The following ZNF827 variants were observed in gnomAD, a reference collection of about 807,000 sequenced individuals.
ZNF827 encodes zinc finger protein 827.
ZNF827 carries 13 observed loss-of-function variants against 102.4 expected under a neutral mutation model. The ratio of observed to expected loss-of-function variants is 0.13; its 90% CI spans 0.08 to 0.20. The LOEUF (loss-of-function observed/expected upper bound fraction) is 0.20. Among genes scored for constraint, ZNF827 ranks in the 10% least tolerant of loss-of-function variants. ZNF827 has a pLI of 1.00. For synonymous variants in ZNF827, 523 were observed against 536.2 expected, an observed-to-expected ratio of 0.98 and a Z score of 0.34; for missense variants, 1,103 against 1,344.4, an observed-to-expected ratio of 0.82 and a Z score of 2.81.
At chr4:145,859,800 C>T (rs1747528776) in intron 5 of ZNF827, among the ~76,000 whole-genome samples, 1 of 152,158 alleles carries the variant, frequency 6.6e-6, no homozygotes, top group Admixed American at 6.5e-5. Context: ...TCACTGAACA[C>T]TCACAGTTAC....
chr4:145,797,564 A>G (rs774681929), intron 8 of ZNF827, among the ~76,000 whole-genome samples: 96 of 152,182 alleles, frequency 6.3e-4, no homozygotes, highest in Non-Finnish European at 1.2e-3. Flanking sequence ...TTGTTCACCA[A>G]GAGAGGCTAT....
intron 7 of ZNF827, chr4:145,832,020 T>A (rs1744261281): frequency 6.6e-6 from 1 of 152,244 alleles, no homozygotes; most frequent in African/African-American, 2.4e-5. Flanking sequence ...CCCAGCACTT[T>A]GGGAGACCAA....
intron 4 of ZNF827, 85 bp from the exon 5 acceptor site, chr4:145,870,563 G>T: frequency 8.3e-7 from 1 of 1,205,442 alleles, no homozygotes; most frequent in Non-Finnish European, 1.2e-6. Context: ...AGTATGGAAT[G>T]CACAATCACA....
chr4:145,787,436 C>T (rs566181886), intron 8 of ZNF827, among the ~76,000 whole-genome samples: 7 of 144,084 alleles, frequency 4.9e-5, no homozygotes, highest in Non-Finnish European at 9.0e-5. Context: ...CACTCCAGCC[C>T]GGGTGACAGA....
intron 6 of ZNF827, among the ~76,000 whole-genome samples, chr4:145,848,482 CAG>C (rs1449902053): frequency 1.3e-5 from 2 of 152,148 alleles, no homozygotes; most frequent in East Asian, 1.9e-4. Flanking sequence ...CATAACAAAA[CAG>C]AGTTTGTTGA....
At chr4:145,891,969 G>T (rs937065012) in intron 3 of ZNF827, among the ~76,000 whole-genome samples, 1 of 152,240 alleles carries the variant, frequency 6.6e-6, no homozygotes, top group African/African-American at 2.4e-5. Context: ...CACAGGCCAG[G>T]CAGGCTGTTG....
intron 13 of ZNF827, among the ~76,000 whole-genome samples, chr4:145,764,115 TA>T (rs1253828728): frequency 6.6e-6 from 1 of 152,240 alleles, no homozygotes; most frequent in African/African-American, 2.4e-5. Flanking sequence ...CCCCTTGTGT[TA>T]AGTAAAATGT....
intron 3 of ZNF827, among the ~76,000 whole-genome samples, chr4:145,888,426 G>T (rs36007872): frequency 0.16 from 23,828 of 152,212 alleles, 2,655 homozygotes; most frequent in East Asian, 0.42. Context: ...ATGTTTAGGG[G>T]CTCACCTATC....
intron 13 of ZNF827, 96 bp downstream of exon 13, chr4:145,764,892 T>A: frequency 6.4e-7 from 1 of 1,570,118 alleles, no homozygotes; most frequent in South Asian, 1.1e-5. Flanking sequence ...CCCTTCTCCA[T>A]GACTCCCAAA....
At chr4:145,798,421 T>C (rs993749694) in intron 8 of ZNF827, among the ~76,000 whole-genome samples, 1 of 152,234 alleles carries the variant, frequency 6.6e-6, no homozygotes, top group Non-Finnish European at 1.5e-5. Flanking sequence ...ATCCCAGCAC[T>C]TTGGAAGGCT....
At chr4:145,920,997 A>C (rs1357811531) in intron 1 of ZNF827, among the ~76,000 whole-genome samples, 1 of 152,226 alleles carries the variant, frequency 6.6e-6, no homozygotes, top group African/African-American at 2.4e-5. Flanking sequence ...TACTATGCAC[A>C]CAAAGTTATT....
At chr4:145,843,361 C>T (rs781264958) in intron 7 of ZNF827, among the ~76,000 whole-genome samples, 4 of 152,242 alleles carry the variant, frequency 2.6e-5, no homozygotes, top group South Asian at 2.1e-4. Flanking sequence ...AGATCTAATT[C>T]GGATTTCCTC....
intron 1 of ZNF827, among the ~76,000 whole-genome samples, chr4:145,925,067 A>C (rs1166075691): frequency 6.6e-6 from 1 of 152,178 alleles, no homozygotes; most frequent in Non-Finnish European, 1.5e-5. Context: ...CACATCTTAC[A>C]TGGCAGCAGG....
At chr4:145,816,068 C>T (rs1319361378) in intron 8 of ZNF827, among the ~76,000 whole-genome samples, 1 of 152,222 alleles carries the variant, frequency 6.6e-6, no homozygotes, top group African/African-American at 2.4e-5. Context: ...TGGGGTCTTG[C>T]TATGCTGTCC....
In ZNF827 at chr4:145,768,903, ATATATATATAT is replaced by A. The variant is rs1560894603; in HGVS notation, c.2861-3176_2861-3166del. On this transcript the variant is annotated intron_variant, in intron 11 of 14. Coordinates refer to ENST00000508784, the MANE Select transcript of ZNF827 (RefSeq NM_001306215.2). ...AAAAAAAAAAAAAATATATATATAT[ATATATATATAT>A]ATTAGGTATACAAAGTTTGGAAATA... 9.9e-4 allele frequency among the ~76,000 whole-genome samples: 31 copies of A among 31,292 alleles called. 3 individuals carry two copies. Among genetic ancestry groups the A allele is most frequent in the African/African-American group, 2.6e-3 (30 of 11,710 alleles). The allele number at this position is 31,292 out of a possible 152,430, so 20.5% of individuals were successfully genotyped here. A position where few individuals can be genotyped will look rare whatever the true frequency, so the allele number is the denominator to read the frequency against.
intron 8 of ZNF827, among the ~76,000 whole-genome samples, chr4:145,781,575 T>C (rs1188476278): frequency 1.3e-5 from 2 of 152,178 alleles, no homozygotes; most frequent in African/African-American, 2.4e-5. Context: ...GGGTTGCTCT[T>C]ATTAAAGTAG....
intron 5 of ZNF827, among the ~76,000 whole-genome samples, chr4:145,856,306 T>C (rs1250903978): frequency 6.6e-6 from 1 of 152,118 alleles, no homozygotes; most frequent in Non-Finnish European, 1.5e-5. Context: ...CAAGACAAGT[T>C]TTATGTTCTA....
chr4:145,841,374 C>A (rs182616226), intron 7 of ZNF827, among the ~76,000 whole-genome samples: 1 of 152,314 alleles, frequency 6.6e-6, no homozygotes, highest in African/African-American at 2.4e-5. Flanking sequence ...ATTATGATAT[C>A]ATGCCTCATG....
intron 7 of ZNF827, chr4:145,832,264 C>CAAAA (rs1160794024): frequency 6.6e-6 from 1 of 150,872 alleles, no homozygotes; most frequent in Non-Finnish European, 1.5e-5. Context: ...GACCTCGTCT[C>CAAAA]AAAAAAACAA....
Sources: allele counts gnomAD v4.1 joint callset (sites outside exome capture counted in the v4.1 genomes callset), GRCh38; gene constraint gnomAD v4.1.1; transcripts MANE v1.5; gene names NCBI Gene and HGNC (gene_info 2026-07-23, HGNC 2026-07-21).